Variants in PPP2R3A observed in about 807,000 individuals in gnomAD.
PPP2R3A encodes protein phosphatase 2 regulatory subunit B''alpha, also known as serine/threonine-protein phosphatase 2A regulatory subunit B'' subunit alpha.
PPP2R3A carries 80 observed loss-of-function variants against 106.9 expected under a neutral mutation model. The ratio of observed to expected loss-of-function variants is 0.75; its 90% CI spans 0.62 to 0.90. The LOEUF (loss-of-function observed/expected upper bound fraction) is 0.90. Among genes scored for constraint, PPP2R3A ranks in the 40% least tolerant of loss-of-function variants. The pLI, the probability that PPP2R3A is intolerant of heterozygous loss-of-function variation, is 0.00. For missense variants in PPP2R3A, 1,386 were observed against 1,350.4 expected, an observed-to-expected ratio of 1.03 and a Z score of -0.41; for synonymous variants, 483 against 468.3, an observed-to-expected ratio of 1.03 and a Z score of -0.41.
intron 5 of PPP2R3A, among the ~76,000 whole-genome samples, chr3:136,060,551 C>T (rs1185087263): frequency 1.3e-5 from 2 of 152,148 alleles, no homozygotes; most frequent in African/African-American, 4.8e-5. Context: ...CCCCCTTGTT[C>T]TCTGTCTCTC....
At chr3:136,069,441 G>T (rs1389813564) in intron 5 of PPP2R3A, among the ~76,000 whole-genome samples, 1 of 152,096 alleles carries the variant, frequency 6.6e-6, no homozygotes, top group Admixed American at 6.6e-5. Context: ...ACCTGGTGTG[G>T]TGCGACATAC....
chr3:136,050,067 C>T (rs151159621), intron 5 of PPP2R3A, among the ~76,000 whole-genome samples: 2 of 152,260 alleles, frequency 1.3e-5, no homozygotes, highest in African/African-American at 4.8e-5. Flanking sequence ...AGGATAATGG[C>T]AGTAGTCCCA....
chr3:135,967,296 C>G (rs1023850454), intron 1 of PPP2R3A, among the ~76,000 whole-genome samples: 4 of 152,164 alleles, frequency 2.6e-5, no homozygotes, highest in African/African-American at 9.7e-5. Flanking sequence ...GAAAGTGTTA[C>G]TGGGGCCAAT....
At chr3:136,101,593 T>G (rs1937361509) in intron 10 of PPP2R3A, among the ~76,000 whole-genome samples, 1 of 152,102 alleles carries the variant, frequency 6.6e-6, no homozygotes. Context: ...CGCAGCTAGT[T>G]TTTTGTATTT....
chr3:136,043,509 TG>T (rs1248693937), intron 4 of PPP2R3A, among the ~76,000 whole-genome samples: 1 of 152,172 alleles, frequency 6.6e-6, no homozygotes, highest in Non-Finnish European at 1.5e-5. Flanking sequence ...AGACTGCTCA[TG>T]GGGTGGAGGC....
intron 1 of PPP2R3A, among the ~76,000 whole-genome samples, chr3:135,982,377 A>T (rs1385110296): frequency 6.6e-6 from 1 of 152,184 alleles, no homozygotes; most frequent in Non-Finnish European, 1.5e-5. Context: ...CTGCAGTCCC[A>T]CATGTAGGAT....
chr3:136,093,637 A>G (rs1424128651), intron 10 of PPP2R3A, among the ~76,000 whole-genome samples: 1 of 152,206 alleles, frequency 6.6e-6, no homozygotes, highest in Non-Finnish European at 1.5e-5. Flanking sequence ...CATGGCCAAT[A>G]AGCACATGAA....
intron 4 of PPP2R3A, among the ~76,000 whole-genome samples, 161 bp from the exon 5 acceptor site, chr3:136,049,098 A>G (rs1175393842): frequency 1.3e-5 from 2 of 152,220 alleles, no homozygotes; most frequent in African/African-American, 4.8e-5. Flanking sequence ...CCAACCTTAT[A>G]GACAGCTCAT....
intron 2 of PPP2R3A, among the ~76,000 whole-genome samples, chr3:136,006,222 A>G (rs533011137): frequency 6.6e-6 from 1 of 152,232 alleles, no homozygotes; most frequent in African/African-American, 2.4e-5. Context: ...ACAGAATATA[A>G]TAAAATTTGA....
intron 3 of PPP2R3A, among the ~76,000 whole-genome samples, chr3:136,036,621 G>A (rs542539755): frequency 6.6e-6 from 1 of 152,196 alleles, no homozygotes; most frequent in African/African-American, 2.4e-5. Context: ...GGTGCCTCTT[G>A]GGTCCCACAG....
chr3:136,058,153 A>G (rs1009604504), intron 5 of PPP2R3A, among the ~76,000 whole-genome samples: 1 of 152,264 alleles, frequency 6.6e-6, no homozygotes, highest in Admixed American at 6.5e-5. Flanking sequence ...TGAATGATCA[A>G]CTACAATGGT....
intron 2 of PPP2R3A, among the ~76,000 whole-genome samples, chr3:136,026,534 T>C (rs945582267): frequency 6.6e-6 from 1 of 152,206 alleles, no homozygotes. Context: ...ATTCTTAATA[T>C]ATCAACTAAC....
At chr3:136,030,054 A>G (rs1198618224) in intron 3 of PPP2R3A, among the ~76,000 whole-genome samples, 3 of 152,136 alleles carry the variant, frequency 2.0e-5, no homozygotes, top group African/African-American at 7.2e-5. Flanking sequence ...TCTACAGATA[A>G]TAATTTTTTA....
At chr3:136,050,466 A>C (rs570317357) in intron 5 of PPP2R3A, among the ~76,000 whole-genome samples, 1 of 152,118 alleles carries the variant, frequency 6.6e-6, no homozygotes, top group East Asian at 1.9e-4. Flanking sequence ...GTACCAAAGC[A>C]TTAGGGTTGG....
At chr3:136,140,455 A>AAAACAAAAAAAAAAC (rs1938816269) in intron 13 of PPP2R3A, among the ~76,000 whole-genome samples, 1 of 150,986 alleles carries the variant, frequency 6.6e-6, no homozygotes, top group African/African-American at 2.4e-5. Context: ...AAAAAAAAAA[A>AAAACAAAAAAAAAAC]AAAAAAAAAC....
At chr3:136,018,715 C>T (rs1429128451) in intron 2 of PPP2R3A, among the ~76,000 whole-genome samples, 2 of 152,078 alleles carry the variant, frequency 1.3e-5, no homozygotes, top group Non-Finnish European at 1.5e-5. Context: ...CATCTTTTCT[C>T]GCTTGGGATA....
chr3:135,978,769 T>G (rs1559848546), intron 1 of PPP2R3A, among the ~76,000 whole-genome samples: 2 of 151,880 alleles, frequency 1.3e-5, no homozygotes, highest in African/African-American at 4.9e-5. Context: ...AGATGCAGTT[T>G]GTTATTTTGG....
At chr3:136,054,493 G>A (rs1181824935) in intron 5 of PPP2R3A, among the ~76,000 whole-genome samples, 3 of 152,030 alleles carry the variant, frequency 2.0e-5, no homozygotes, top group South Asian at 2.1e-4. Context: ...TCTTGACCTC[G>A]TGATCCGCCC....
At chr3:135,993,023 G>C (rs1158858643) in intron 1 of PPP2R3A, among the ~76,000 whole-genome samples, 1 of 152,036 alleles carries the variant, frequency 6.6e-6, no homozygotes, top group Non-Finnish European at 1.5e-5. Flanking sequence ...TATGACCTTA[G>C]GATAGGCAAA....
Sources: allele counts gnomAD v4.1 joint callset (sites outside exome capture counted in the v4.1 genomes callset), GRCh38; gene constraint gnomAD v4.1.1; transcripts MANE v1.5; gene names NCBI Gene and HGNC (gene_info 2026-07-23, HGNC 2026-07-21).